NOL4: variants seen among roughly 807,000 people sequenced by gnomAD.
The protein encoded by NOL4 is nucleolar protein 4.
In NOL4, 17 loss-of-function variants were observed where a neutral mutation model predicts 75.9. The observed-to-expected ratio is 0.22, with a 90% CI of 0.15 to 0.34. The LOEUF is 0.34. Ranked by LOEUF, NOL4 falls within the 10% of genes least tolerant of loss-of-function variation. The pLI is 1.00. For synonymous variants in NOL4, 292 were observed against 289.9 expected (o/e 1.01, Z -0.07); for missense variants, 614 against 793.5 (o/e 0.77, Z 2.72).
At chr18:33,854,614 G>A (rs901538587) in intron 10 of NOL4, among the ~76,000 whole-genome samples, 6 of 151,830 alleles carry the variant, frequency 4.0e-5, no homozygotes, top group African/African-American at 7.3e-5. Context: ...GTCTCCAGAT[G>A]AACCCACTTT....
At chr18:34,107,379 T>C (rs570679373) in intron 2 of NOL4, among the ~76,000 whole-genome samples, 1 of 152,260 alleles carries the variant, frequency 6.6e-6, no homozygotes, top group South Asian at 2.1e-4. Flanking sequence ...TTTAAGCAAA[T>C]ATTTTATCAT....
chr18:33,999,707 A>G (rs143520199), intron 6 of NOL4, among the ~76,000 whole-genome samples: 2 of 152,204 alleles, frequency 1.3e-5, no homozygotes, highest in Non-Finnish European at 2.9e-5. Context: ...GCTGGAGTGC[A>G]GTGGTGCAAT....
At chr18:33,943,924 C>G (rs1253992527) in intron 8 of NOL4, among the ~76,000 whole-genome samples, 1 of 151,832 alleles carries the variant, frequency 6.6e-6, no homozygotes, top group Non-Finnish European at 1.5e-5. Context: ...GTTTGCAGCT[C>G]TCAATATCAT....
intron 5 of NOL4, among the ~76,000 whole-genome samples, chr18:34,052,907 T>C (rs896910171): frequency 6.6e-6 from 1 of 152,034 alleles, no homozygotes; most frequent in African/African-American, 2.4e-5. Context: ...AAGCTAATTT[T>C]GAAATATAGA....
At chr18:34,048,569 C>G in intron 5 of NOL4, 1 of 985,406 alleles carries the variant, frequency 1.0e-6, no homozygotes, top group Non-Finnish European at 1.2e-6. Context: ...CTGACTTCCC[C>G]TAAATTCTCT....
intron 9 of NOL4, among the ~76,000 whole-genome samples, chr18:33,923,074 A>C (rs1049142671): frequency 2.0e-5 from 3 of 152,154 alleles, no homozygotes; most frequent in African/African-American, 7.2e-5. Context: ...ACATTCAAAC[A>C]ACTGAATGAC....
intron 9 of NOL4, among the ~76,000 whole-genome samples, chr18:33,942,261 T>C (rs920212930): frequency 4.6e-5 from 7 of 152,000 alleles, no homozygotes; most frequent in Non-Finnish European, 8.8e-5. Context: ...AAAAATACTT[T>C]ACAAGTGAAA....
intron 1 of NOL4, among the ~76,000 whole-genome samples, chr18:34,184,575 T>C (rs2034311830): frequency 6.6e-6 from 1 of 152,024 alleles, no homozygotes; most frequent in Admixed American, 6.6e-5. Flanking sequence ...TCTGTGTTGA[T>C]ACTAGTTTGA....
intron 1 of NOL4, among the ~76,000 whole-genome samples, chr18:34,188,511 C>T (rs1301306396): frequency 6.6e-6 from 1 of 152,150 alleles, no homozygotes; most frequent in Non-Finnish European, 1.5e-5. Flanking sequence ...ATAGCTTGGC[C>T]TAGCCTATGT....
At chr18:33,992,076 G>A (rs1049055800) in intron 6 of NOL4, among the ~76,000 whole-genome samples, 1 of 150,598 alleles carries the variant, frequency 6.6e-6, no homozygotes, top group African/African-American at 2.5e-5. Flanking sequence ...AGTACAACAT[G>A]AGAATGGTTT....
rs575952733 is a variant in NOL4, at chr18:34,085,632, T to C, written c.772+7833A>G. Among the ~76,000 whole-genome samples, 5 of 152,270 alleles carry C rather than the reference T, an allele frequency of 3.3e-5. No homozygotes were observed. In the East Asian group the frequency reaches 7.7e-4, roughly 24 times the overall value. ...ACTCGTTTATATGAAAACACACTTA[T>C]GTAATATGAGTAAAGTATTGAAAGG... On this transcript the variant is annotated intron_variant, in intron 5 of 10. Coordinates refer to ENST00000261592, the MANE Select transcript of NOL4 (RefSeq NM_003787.5).
chr18:33,956,553 A>G (rs1325822014), intron 8 of NOL4, among the ~76,000 whole-genome samples: 1 of 152,152 alleles, frequency 6.6e-6, no homozygotes, highest in Non-Finnish European at 1.5e-5. Flanking sequence ...AAATTTCGAA[A>G]CTGCTCACAT....
intron 1 of NOL4, among the ~76,000 whole-genome samples, chr18:34,132,618 C>G (rs2080704675): frequency 6.6e-6 from 1 of 151,932 alleles, no homozygotes; most frequent in Non-Finnish European, 1.5e-5. Context: ...GTTAGGTCTA[C>G]CATATAAATC....
Position 33,942,498 on chromosome 18 carries a change from G to T in NOL4, c.1542+567C>A, listed in dbSNP as rs2068558418. On this transcript the variant is annotated intron_variant, in intron 9 of 10. Coordinates refer to ENST00000261592, the MANE Select transcript of NOL4 (RefSeq NM_003787.5). Reference sequence around the variant, plus strand: ...CAATACACAGATGCCTTAGAAAAAAGATATTGAAACATGACATGCAATTGG... The same window carrying T: ...CAATACACAGATGCCTTAGAAAAAATATATTGAAACATGACATGCAATTGG... Among the ~76,000 whole-genome samples the T allele has an allele frequency of 2.0e-5, 3 of 151,742 alleles. No individual in the cohort carries two copies. In the South Asian group the frequency reaches 6.2e-4, roughly 31 times the overall value.
chr18:34,076,227 T>C (rs568724951), intron 5 of NOL4, among the ~76,000 whole-genome samples: 4 of 152,292 alleles, frequency 2.6e-5, no homozygotes, highest in African/African-American at 7.2e-5. Flanking sequence ...ACTAGCAAAG[T>C]TGGCTTGGCA....
At chr18:34,083,737 C>T (rs2078116282) in intron 5 of NOL4, among the ~76,000 whole-genome samples, 1 of 152,126 alleles carries the variant, frequency 6.6e-6, no homozygotes, top group African/African-American at 2.4e-5. Context: ...AATGAATTCA[C>T]TTTAACATAC....
chr18:33,879,105 A>G (rs951370554), intron 10 of NOL4, among the ~76,000 whole-genome samples: 2 of 152,074 alleles, frequency 1.3e-5, no homozygotes, highest in African/African-American at 4.8e-5. Flanking sequence ...TTTTCTTTTA[A>G]TTTGAAGAAT....
chr18:33,968,782 TA>T (rs1331868040), intron 6 of NOL4, among the ~76,000 whole-genome samples: 1 of 152,064 alleles, frequency 6.6e-6, no homozygotes, highest in Non-Finnish European at 1.5e-5. Context: ...TCTAATTTTT[TA>T]AAAAAATCTT....
intron 5 of NOL4, among the ~76,000 whole-genome samples, chr18:34,089,934 TACAC>T (rs551114491): frequency 6.6e-6 from 1 of 151,198 alleles, no homozygotes; most frequent in Admixed American, 6.6e-5. Context: ...CTTACTGTGA[TACAC>T]ACACACACAC....
Sources: allele counts gnomAD v4.1 joint callset (sites outside exome capture counted in the v4.1 genomes callset), GRCh38; gene constraint gnomAD v4.1.1; transcripts MANE v1.5; gene names NCBI Gene and HGNC (gene_info 2026-07-23, HGNC 2026-07-21).